The following HEATR4 variants were observed in gnomAD, a reference collection of about 807,000 sequenced individuals.
HEATR4 encodes HEAT repeat containing 4, also known as HEAT repeat-containing protein 4.
Under a neutral mutation model 108.8 loss-of-function variants are expected in HEATR4, and 95 were observed. The observed-to-expected ratio is 0.87, with a 90% CI of 0.74 to 1.04. The LOEUF is 1.04. HEATR4 is among the 50% of genes least tolerant of loss of function. HEATR4 has a pLI of 0.00. For missense variants in HEATR4, 1,152 were observed against 1,253.8 expected (o/e 0.92, Z 1.23); for synonymous variants, 443 against 459.4 (o/e 0.96, Z 0.46).
the HEATR4 span, chr14:73,591,739 A>G: frequency 4.7e-6 from 2 of 425,502 alleles, no homozygotes; most frequent in Non-Finnish European, 8.0e-6. Flanking sequence ...CCGGGGCCCA[A>G]GGAGACGACC....
At position 73,492,550 on chromosome 14, in the gene HEATR4, C is replaced by T. The variant is rs1343580588; in HGVS notation, c.2844+516G>A. ...AAGACTTCATTCACGATTCTCTGCCCCCTGTTTTGACTGATAGGGAGAGGG... is the reference window on the plus strand; with the variant it reads ...AAGACTTCATTCACGATTCTCTGCCTCCTGTTTTGACTGATAGGGAGAGGG... On this transcript the variant is annotated intron_variant, in intron 17 of 17. Transcript: ENST00000553558. This position sits in a 1 kb window ranked among gnomAD's most constrained non-coding sequence, Gnocchi z 4.9. 2 of 1,613,796 alleles carry T rather than the reference C, an allele frequency of 1.2e-6. No homozygotes were observed. Among genetic ancestry groups the T allele is most frequent in the Non-Finnish European group, 1.7e-6 (2 of 1,179,820 alleles).
chr14:73,549,976 G>A lies in HEATR4; in HGVS notation c.-152+8775C>T, dbSNP rs1430510647. 1.4e-3 allele frequency among the ~76,000 whole-genome samples: 112 copies of A among 82,368 alleles called. 9 individuals carry two copies. Among genetic ancestry groups the A allele is most frequent in the African/African-American group, 3.9e-3 (103 of 26,118 alleles). 54.0% of individuals were successfully genotyped at this position (82,368 alleles called of 152,430 possible). A position where few individuals can be genotyped will look rare whatever the true frequency, so the allele number is the denominator to read the frequency against. ...TATCAACTTTATAAAATTAATCAGGGGAGAAGGGAGGGGCGAAATGGAAAT... is the reference window on the plus strand; with the variant it reads ...TATCAACTTTATAAAATTAATCAGGAGAGAAGGGAGGGGCGAAATGGAAAT... On this transcript the variant is annotated intron_variant, in intron 1 of 17. Transcript: ENST00000553558.
the HEATR4 span, chr14:73,610,950 C>T: frequency 6.6e-6 from 1 of 152,198 alleles, no homozygotes; most frequent in Non-Finnish European, 1.5e-5. Flanking sequence ...GGCACACACA[C>T]ATGAGATTCC....
At chr14:73,569,590 A>G in the HEATR4 span, 1 of 1,601,792 alleles carries the variant, frequency 6.2e-7, no homozygotes, top group Admixed American at 1.7e-5. Context: ...TACCGCGCCG[A>G]CACTCTTGGC....
chr14:73,496,998 C>T (rs1283115923), intron 14 of HEATR4, among the ~76,000 whole-genome samples: 4 of 152,134 alleles, frequency 2.6e-5, no homozygotes, highest in Admixed American at 2.0e-4. Context: ...CAGGTTCAAG[C>T]GATTCTCCTG....
the HEATR4 span, chr14:73,612,716 C>G: frequency 1.4e-6 from 2 of 1,387,226 alleles, no homozygotes; most frequent in Non-Finnish European, 1.9e-6. Context: ...CTTCCGGGCC[C>G]ACGCGCGCTA....
At position 73,501,433 on chromosome 14, in the gene HEATR4, T is replaced by C. The variant is rs976408566; in HGVS notation, c.2106-703A>G. On this transcript the variant is annotated intron_variant, in intron 11 of 17. Transcript: ENST00000553558. ...AGCCACCGCGCCCGGCCTTAAATTA[T>C]TTTTAGAGATGGGGTCTTGCTATGT... 2.0e-5 allele frequency among the ~76,000 whole-genome samples: 3 copies of C among 151,694 alleles called. No individual in the cohort carries two copies. In the East Asian group the frequency reaches 5.8e-4, roughly 29 times the overall value.
At chr14:73,595,308 G>C in the HEATR4 span, 1 of 1,614,236 alleles carries the variant, frequency 6.2e-7, no homozygotes, top group South Asian at 1.1e-5. Flanking sequence ...AAGAACCCCA[G>C]CATGATTCCA....
the HEATR4 span, chr14:73,594,951 C>T: frequency 1.7e-5 from 25 of 1,443,004 alleles, no homozygotes; most frequent in African/African-American, 9.9e-5. Context: ...GTGATCCGCC[C>T]GCCTCCGCCT....
chr14:73,510,144 T>C (rs1887150145), intron 7 of HEATR4, among the ~76,000 whole-genome samples: 2 of 151,798 alleles, frequency 1.3e-5, no homozygotes, highest in East Asian at 3.9e-4. Flanking sequence ...TACAGACGTG[T>C]GCCACCGCCC....
At chr14:73,530,084 TC>T (rs1888614304) in intron 2 of HEATR4, 81 bp downstream of exon 2, 1 of 132,486 alleles carries the variant, frequency 7.5e-6, no homozygotes, top group South Asian at 2.6e-4. Flanking sequence ...TGCCTCAGCG[TC>T]CCCAGTAGCT....
At chr14:73,584,338 C>G in the HEATR4 span, among the ~76,000 whole-genome samples, 2 of 151,848 alleles carry the variant, frequency 1.3e-5, no homozygotes, top group Middle Eastern at 3.2e-3. Flanking sequence ...ACCTCCATCT[C>G]TTTTTCTGCC....
At chr14:73,593,568 C>G in the HEATR4 span, 2 of 739,898 alleles carry the variant, frequency 2.7e-6, no homozygotes, top group Non-Finnish European at 4.3e-6. Context: ...GTCTTGAACT[C>G]CTGGCCTCAA....
chr14:73,569,118 T>G, the HEATR4 span: 1 of 1,196,778 alleles, frequency 8.4e-7, no homozygotes. Flanking sequence ...CAGGAGACTT[T>G]AAGCAAGTTC....
chr14:73,527,103 C>T (rs1348235176), intron 2 of HEATR4: 1 of 152,174 alleles, frequency 6.6e-6, no homozygotes, highest in African/African-American at 2.4e-5. Flanking sequence ...CCCTGGTATA[C>T]ATCAGCTGCA....
At chr14:73,510,784 G>T (rs1447954161) in intron 7 of HEATR4, among the ~76,000 whole-genome samples, 1 of 152,152 alleles carries the variant, frequency 6.6e-6, no homozygotes, top group African/African-American at 2.4e-5. Flanking sequence ...GAGTCTTGGG[G>T]ACAGCACAGG....
At chr14:73,574,135 T>G in the HEATR4 span, among the ~76,000 whole-genome samples, 1 of 151,544 alleles carries the variant, frequency 6.6e-6, no homozygotes, top group Non-Finnish European at 1.5e-5. Context: ...CCTCCCAGAG[T>G]GCTGGAATTA....
At chr14:73,573,304 G>T in the HEATR4 span, 2 of 1,589,504 alleles carry the variant, frequency 1.3e-6, no homozygotes, top group Middle Eastern at 3.3e-4. Context: ...TGGGTCACAT[G>T]TGTGGTAAGT....
intron 5 of HEATR4, among the ~76,000 whole-genome samples, chr14:73,517,852 G>T (rs1379770628): frequency 6.6e-6 from 1 of 152,044 alleles, no homozygotes; most frequent in African/African-American, 2.4e-5. Context: ...ACTTTGGGAG[G>T]CCGAGGTGGA....
Sources: allele counts gnomAD v4.1 joint callset (sites outside exome capture counted in the v4.1 genomes callset), GRCh38; gene constraint gnomAD v4.1.1; non-coding constraint Gnocchi (gnomAD v3.1); transcripts MANE v1.5; gene names NCBI Gene and HGNC (gene_info 2026-07-23, HGNC 2026-07-21).